The following PDE3A variants were observed in gnomAD, a reference collection of about 807,000 sequenced individuals.
PDE3A encodes phosphodiesterase 3A, also known as cGMP-inhibited 3',5'-cyclic phosphodiesterase 3A.
In PDE3A, 43 loss-of-function variants were observed where a neutral mutation model predicts 98.3. That is an observed-to-expected ratio of 0.44 (90% confidence interval 0.34 to 0.56). The LOEUF is 0.56. Among genes scored for constraint, PDE3A ranks in the 20% least tolerant of loss-of-function variants. PDE3A has a pLI of 0.01. For missense variants in PDE3A, 1,427 were observed against 1,440.7 expected (o/e 0.99, Z 0.15); for synonymous variants, 663 against 567.9 (o/e 1.17, Z -2.38).
intron 1 of PDE3A, chr12:20,551,683 G>A (rs889879251): frequency 3.1e-6 from 5 of 1,610,386 alleles, no homozygotes; most frequent in Non-Finnish European, 4.2e-6. Context: ...CCTCAGCAGT[G>A]TTCCCAGCGA....
intron 10 of PDE3A, among the ~76,000 whole-genome samples, chr12:20,641,140 A>AATATACAC (rs1309350611): frequency 6.6e-6 from 1 of 152,008 alleles, no homozygotes; most frequent in Non-Finnish European, 1.5e-5. Context: ...CATTGGAATG[A>AATATACAC]ATATACACAG....
At chr12:20,581,673 C>T (rs1943070262) in intron 2 of PDE3A, among the ~76,000 whole-genome samples, 2 of 146,734 alleles carry the variant, frequency 1.4e-5, no homozygotes, top group South Asian at 2.1e-4. Context: ...AGTACAGTGG[C>T]ACGATCTCGG....
At chr12:20,627,147 A>T (rs866337991) in intron 5 of PDE3A, among the ~76,000 whole-genome samples, 1,079 of 95,974 alleles carry the variant, frequency 0.011, 13 homozygotes, top group African/African-American at 0.037. Context: ...TGTTCTGTTA[A>T]AAAAAAAAAA....
intron 1 of PDE3A, among the ~76,000 whole-genome samples, chr12:20,503,292 G>T (rs926877460): frequency 3.3e-5 from 5 of 151,760 alleles, no homozygotes; most frequent in Non-Finnish European, 7.4e-5. Context: ...TATAATACCA[G>T]TTACTATTAA....
chr12:20,552,280 G>A lies in PDE3A; in HGVS notation c.961-4380G>A. The A allele has an allele frequency of 3.1e-6, 5 of 1,613,972 alleles. No homozygotes were observed. The highest frequency in any genetic ancestry group is 3.4e-6 in the Non-Finnish European group (4 of 1,179,894). On this transcript the variant is annotated intron_variant, in intron 1 of 15. Coordinates refer to ENST00000359062, the MANE Select transcript of PDE3A (RefSeq NM_000921.5). The surrounding 1 kb of genome is among the most constrained non-coding windows in gnomAD (Gnocchi z 5.1). ...CAAGAATAGCAAGTACGCCCCCGCT[G>A]AGGGCAACCGCTACGATGGCATCTA...
chr12:20,414,714 T>C (rs12372457), intron 1 of PDE3A, among the ~76,000 whole-genome samples: 93,771 of 151,922 alleles, frequency 0.62, 30,711 homozygotes, highest in East Asian at 0.88. Flanking sequence ...GATGATCAAT[T>C]CTTTAAAGAT....
At chr12:20,519,710 T>C (rs1024464683) in intron 1 of PDE3A, among the ~76,000 whole-genome samples, 1 of 152,192 alleles carries the variant, frequency 6.6e-6, no homozygotes, top group Non-Finnish European at 1.5e-5. Flanking sequence ...AAGATGTAGT[T>C]CCCAATAGCA....
chr12:20,571,764 C>T lies in PDE3A; in HGVS notation c.1011+15054C>T, dbSNP rs566558120. 13 of 209,102 alleles carry T rather than the reference C, an allele frequency of 6.2e-5. No homozygotes were observed. In the South Asian group the frequency reaches 1.2e-3, roughly 19 times the overall value. The allele number at this position is 209,102 out of a possible 1,614,324, so 13.0% of individuals were successfully genotyped here. A position where few individuals can be genotyped will look rare whatever the true frequency, so the allele number is the denominator to read the frequency against. ...GAGTCCCAGCTCTAAGCACTGTTTT[C>T]GTAACACATTTTACATCCATAATGC... On this transcript the variant is annotated intron_variant, in intron 2 of 15. Coordinates refer to ENST00000359062, the MANE Select transcript of PDE3A (RefSeq NM_000921.5).
In PDE3A at chr12:20,659,555, T is replaced by C. The variant is rs180969340; in HGVS notation, c.3184+5350T>C. On this transcript the variant is annotated intron_variant, in intron 15 of 15. Coordinates refer to ENST00000359062, the MANE Select transcript of PDE3A (RefSeq NM_000921.5). Reference sequence around the variant, plus strand: ...CCCTTTTGATCTTCCTGCTAACTTGTACTGTTTTTTTTAATTGTTTATTTA... The same window carrying C: ...CCCTTTTGATCTTCCTGCTAACTTGCACTGTTTTTTTTAATTGTTTATTTA... Among the ~76,000 whole-genome samples the C allele has an allele frequency of 2.0e-3, 306 of 152,086 alleles. 1 individual carries two copies. Among genetic ancestry groups the C allele is most frequent in the Middle Eastern group, 6.8e-3 (2 of 294 alleles).
At chr12:20,472,354 A>G (rs1249109500) in intron 1 of PDE3A, among the ~76,000 whole-genome samples, 1 of 152,140 alleles carries the variant, frequency 6.6e-6, no homozygotes, top group African/African-American at 2.4e-5. Context: ...GCATCCTGGC[A>G]GTTAATTTTA....
chr12:20,371,572 G>A, intron 1 of PDE3A: 1 of 388,936 alleles, frequency 2.6e-6, no homozygotes, highest in Non-Finnish European at 3.5e-6. Context: ...GTTGGTTTCT[G>A]AAATGGAGTT....
intron 1 of PDE3A, among the ~76,000 whole-genome samples, chr12:20,475,480 G>A (rs914305551): frequency 2.0e-5 from 3 of 152,146 alleles, no homozygotes; most frequent in African/African-American, 7.2e-5. Flanking sequence ...TGTCATCCCA[G>A]CACTTTGGGA....
At position 20,391,413 on chromosome 12, in the gene PDE3A, C is replaced by CAT. The variant is rs564383160; in HGVS notation, c.960+21183_960+21184dup. 8.0e-3 allele frequency among the ~76,000 whole-genome samples: 1,139 copies of CAT among 143,144 alleles called. 17 individuals are homozygous for CAT. Among genetic ancestry groups the CAT allele is most frequent in the South Asian group, 0.058 (264 of 4,550 alleles). 93.9% of individuals were successfully genotyped at this position (143,144 alleles called of 152,430 possible). A position where few individuals can be genotyped will look rare whatever the true frequency, so the allele number is the denominator to read the frequency against. On this transcript the variant is annotated intron_variant, in intron 1 of 15. Coordinates refer to ENST00000359062, the MANE Select transcript of PDE3A (RefSeq NM_000921.5). ...TACACACACACATACATGCATTATA[C>CAT]ATATATATATATATACAATTCCGGA...
At chr12:20,677,987 C>A (rs1235857475) in intron 15 of PDE3A, among the ~76,000 whole-genome samples, 1 of 151,992 alleles carries the variant, frequency 6.6e-6, no homozygotes. Context: ...TCTTTAGACC[C>A]CAGTGGTGGC....
chr12:20,422,265 A>C (rs1403691859), intron 1 of PDE3A, among the ~76,000 whole-genome samples: 1 of 151,844 alleles, frequency 6.6e-6, no homozygotes, highest in Non-Finnish European at 1.5e-5. Flanking sequence ...AATGGCGTGA[A>C]CCCGGGAAGT....
intron 2 of PDE3A, among the ~76,000 whole-genome samples, chr12:20,560,187 G>A (rs1044738726): frequency 4.6e-5 from 7 of 152,170 alleles, no homozygotes; most frequent in Admixed American, 4.6e-4. Context: ...GTGTCAGTTT[G>A]GGAATGCTAA....
chr12:20,634,801 T>C, intron 7 of PDE3A, 101 bp from the exon 8 acceptor site: 1 of 788,332 alleles, frequency 1.3e-6, no homozygotes, highest in Non-Finnish European at 2.2e-6. Flanking sequence ...AGTATTTCCC[T>C]AAACACTATA....
chr12:20,662,433 C>G (rs542595898), intron 15 of PDE3A, among the ~76,000 whole-genome samples: 8 of 152,286 alleles, frequency 5.3e-5, no homozygotes, highest in African/African-American at 1.4e-4. Flanking sequence ...TCATTTTGAC[C>G]TGGATGTGAG....
rs1944780705 is a variant in PDE3A, at chr12:20,646,500, A to G, written c.2262A>G (p.Arg754=). 1 of 1,584,128 alleles carries G rather than the reference A, an allele frequency of 6.3e-7. No individual in the cohort carries two copies. Among genetic ancestry groups the G allele is most frequent in the Non-Finnish European group, 8.7e-7 (1 of 1,152,820 alleles). ...GTTCACTGGTTACAGATCATAACAG[A>G]ATCCATGCCACTGATGTTTTACATG... The part of the protein sequence containing the change: ...IGYRDIPYHN[R]IHATDVLHAV... The change falls in exon 11 of 16, where the codon AGA becomes AGG. Residue 754 remains arginine, a synonymous_variant. Coordinates refer to ENST00000359062, the MANE Select transcript of PDE3A (RefSeq NM_000921.5).
Sources: gnomAD v4.1 joint callset for allele counts (sites outside exome capture counted in the v4.1 genomes callset) on GRCh38, gnomAD v4.1.1 for gene constraint, Gnocchi (gnomAD v3.1) non-coding constraint, MANE v1.5 for transcripts, NCBI Gene and HGNC (gene_info 2026-07-23, HGNC 2026-07-21) for gene names.